CDH8: variants seen among roughly 807,000 people sequenced by gnomAD.
CDH8 encodes cadherin 8, also known as cadherin-8.
In CDH8, 17 loss-of-function variants were observed where a neutral mutation model predicts 68.1. The observed-to-expected ratio is 0.25, with a 90% CI of 0.17 to 0.37. The LOEUF (loss-of-function observed/expected upper bound fraction) is 0.37. Among genes scored for constraint, CDH8 ranks in the 10% least tolerant of loss-of-function variants. The pLI is 1.00. For missense variants in CDH8, 763 were observed against 999.3 expected (o/e 0.76, Z 3.19); for synonymous variants, 372 against 365.1 (o/e 1.02, Z -0.21).
intron 10 of CDH8, among the ~76,000 whole-genome samples, chr16:61,698,446 G>C (rs1189446696): frequency 6.6e-6 from 1 of 152,062 alleles, no homozygotes; most frequent in African/African-American, 2.4e-5. Flanking sequence ...GCATAATAAA[G>C]ACAAGAATTG....
rs545759253 is a variant in CDH8 at position 62,021,324 on chromosome 16, A to G, written c.80T>C (p.Ile27Thr). The change falls in exon 2 of 12, where the codon ATT (isoleucine) becomes ACT (threonine). Residue 27 changes from isoleucine to threonine, a missense_variant. Ile to Thr is a moderately conservative substitution (Grantham distance 89). This residue lies in a region of CDH8 where 366 missense variants were observed against 563.1 expected (regional missense o/e 0.65). Transcript: ENST00000577390. ...IILWITLPPC[I>T]YMAPMNQSQV... ...AGACTGATTCATCGGAGCCATGTAA[A>G]TGCAAGGGGGAAGAGTAATCCATAA... 6.2e-7 allele frequency: 1 copy of G among 1,614,078 alleles called. No individual in the cohort carries two copies. Among genetic ancestry groups the G allele is most frequent in the Non-Finnish European group, 8.5e-7 (1 of 1,179,964 alleles).
At chr16:61,828,336 C>T (rs562338042) in intron 4 of CDH8, among the ~76,000 whole-genome samples, 1 of 152,036 alleles carries the variant, frequency 6.6e-6, no homozygotes, top group Admixed American at 6.6e-5. Flanking sequence ...AGCCCCAGGG[C>T]TGCCCCTGTC....
At chr16:61,734,308 G>A (rs977220255) in intron 8 of CDH8, among the ~76,000 whole-genome samples, 3 of 146,002 alleles carry the variant, frequency 2.1e-5, no homozygotes, top group African/African-American at 7.3e-5. Flanking sequence ...AACATATTGG[G>A]ACCTTGTTGA....
intron 8 of CDH8, among the ~76,000 whole-genome samples, chr16:61,744,861 CCAT>C (rs1424099812): frequency 2.6e-5 from 4 of 151,254 alleles, no homozygotes; most frequent in Non-Finnish European, 1.5e-5. Context: ...CTTCCCATTT[CCAT>C]CATTTTTGTT....
At chr16:61,812,018 A>T (rs1961960372) in intron 7 of CDH8, among the ~76,000 whole-genome samples, 1 of 152,148 alleles carries the variant, frequency 6.6e-6, no homozygotes, top group Non-Finnish European at 1.5e-5. Flanking sequence ...TGCACTTATA[A>T]ATCTTATAAG....
intron 7 of CDH8, 71 bp downstream of exon 7, chr16:61,817,408 C>A: frequency 6.6e-7 from 1 of 1,507,474 alleles, no homozygotes; most frequent in Non-Finnish European, 9.2e-7. Flanking sequence ...ACAGAAGGTA[C>A]AAGCAAAGGC....
At chr16:61,767,054 G>A (rs1375795540) in intron 8 of CDH8, among the ~76,000 whole-genome samples, 2 of 151,850 alleles carry the variant, frequency 1.3e-5, no homozygotes, top group African/African-American at 2.4e-5. Flanking sequence ...TGAAGAGTAT[G>A]GAAATATTCA....
chr16:61,782,274 T>A (rs1961084611), intron 8 of CDH8, among the ~76,000 whole-genome samples: 1 of 152,190 alleles, frequency 6.6e-6, no homozygotes, highest in Non-Finnish European at 1.5e-5. Context: ...TTGCCTCACC[T>A]GGGAAGCACA....
intron 8 of CDH8, among the ~76,000 whole-genome samples, chr16:61,780,110 T>A (rs983063970): frequency 2.6e-5 from 4 of 152,238 alleles, no homozygotes; most frequent in African/African-American, 9.6e-5. Flanking sequence ...GCAAATGTTA[T>A]GAGAATTAAA....
At chr16:61,816,409 A>G (rs772112218) in intron 7 of CDH8, among the ~76,000 whole-genome samples, 1 of 152,178 alleles carries the variant, frequency 6.6e-6, no homozygotes, top group Non-Finnish European at 1.5e-5. Context: ...TCACTTTACC[A>G]GGGTTTCCCC....
rs565120817 is a variant in CDH8, at chr16:61,839,544, T to C, written c.668-14365A>G. ...GCAAATCAGACAGATGATAAATGAA[T>C]TAAACTTTCTTTCATAATGGTTTTT... On this transcript the variant is annotated intron_variant, in intron 4 of 11. Transcript: ENST00000577390. Among the ~76,000 whole-genome samples the C allele has an allele frequency of 6.6e-5, 10 of 152,268 alleles. No individual in the cohort carries two copies. The South Asian group carries it at 2.1e-3, about 32-fold the overall frequency.
chr16:61,688,798 C>T (rs911262423), intron 10 of CDH8, among the ~76,000 whole-genome samples: 1 of 151,966 alleles, frequency 6.6e-6, no homozygotes, highest in African/African-American at 2.4e-5. Context: ...TATAGGTCAA[C>T]TACAACATCA....
chr16:61,814,569 G>A (rs1261818717), intron 7 of CDH8, among the ~76,000 whole-genome samples: 1 of 152,196 alleles, frequency 6.6e-6, no homozygotes, highest in South Asian at 2.1e-4. Context: ...CATGGCAGAT[G>A]CTGGGATAAC....
intron 2 of CDH8, among the ~76,000 whole-genome samples, chr16:61,905,099 C>T (rs1367842438): frequency 6.6e-6 from 1 of 152,198 alleles, no homozygotes; most frequent in Non-Finnish European, 1.5e-5. Context: ...AAAACTGGTC[C>T]TTGGTGCCAA....
intron 10 of CDH8, among the ~76,000 whole-genome samples, chr16:61,704,721 C>T (rs1964498306): frequency 6.6e-6 from 1 of 152,284 alleles, no homozygotes; most frequent in Non-Finnish European, 1.5e-5. Flanking sequence ...AATTGGTGGA[C>T]TTGGGACTTG....
chr16:61,647,709 G>T lies in CDH8; in HGVS notation c.*5899C>A. 2 of 667,632 alleles carry T rather than the reference G, an allele frequency of 3.0e-6. No individual in the cohort carries two copies. Among genetic ancestry groups the T allele is most frequent in the Non-Finnish European group, 5.4e-6 (2 of 370,274 alleles). 41.4% of individuals were successfully genotyped at this position (667,632 alleles called of 1,614,324 possible). On this transcript the variant is annotated 3_prime_UTR_variant, in exon 12 of 12. Coordinates refer to ENST00000577390, the MANE Select transcript of CDH8 (RefSeq NM_001796.5). Reference sequence around the variant, plus strand: ...TCCTCTTATTTTTGAGGAATCATAGGATGGCCTGAAGTTCTTTGCATGTAC... The same window carrying T: ...TCCTCTTATTTTTGAGGAATCATAGTATGGCCTGAAGTTCTTTGCATGTAC...
intron 1 of CDH8, among the ~76,000 whole-genome samples, chr16:62,024,058 C>A (rs897398072): frequency 3.3e-5 from 5 of 151,916 alleles, no homozygotes; most frequent in African/African-American, 9.7e-5. Flanking sequence ...ATCTCCATCT[C>A]GAACTCCTCA....
intron 7 of CDH8, among the ~76,000 whole-genome samples, chr16:61,798,210 TAC>T (rs978678278): frequency 3.3e-5 from 5 of 152,228 alleles, no homozygotes; most frequent in Non-Finnish European, 7.3e-5. Context: ...AATGCAGTTT[TAC>T]ACATTGTGAA....
chr16:61,923,391 T>G (rs1567530450), intron 2 of CDH8, among the ~76,000 whole-genome samples: 1 of 152,142 alleles, frequency 6.6e-6, no homozygotes, highest in Non-Finnish European at 1.5e-5. Context: ...TAGTCCTCAG[T>G]GTCATCACTG....
Sources: allele counts gnomAD v4.1 joint callset (sites outside exome capture counted in the v4.1 genomes callset), GRCh38; gene constraint gnomAD v4.1.1; regional missense constraint gnomAD v4.1.1; transcripts MANE v1.5; gene names NCBI Gene and HGNC (gene_info 2026-07-23, HGNC 2026-07-21).